Variants in BRAF observed in about 807,000 individuals in gnomAD.
The protein encoded by BRAF is B-Raf proto-oncogene, serine/threonine kinase.
Under a neutral mutation model 104.6 loss-of-function variants are expected in BRAF, and 16 were observed. That is an observed-to-expected ratio of 0.15 (90% CI 0.10 to 0.23). The LOEUF (loss-of-function observed/expected upper bound fraction) is 0.23. BRAF is among the 10% of genes least tolerant of loss of function. BRAF has a pLI of 1.00. For synonymous variants in BRAF, 310 were observed against 341.6 expected, an observed-to-expected ratio of 0.91 and a Z score of 1.02; for missense variants, 541 against 937.3, an observed-to-expected ratio of 0.58 and a Z score of 5.52.
intron 1 of BRAF, among the ~76,000 whole-genome samples, chr7:140,905,016 G>A (rs1440693941): frequency 6.6e-6 from 1 of 151,966 alleles, no homozygotes; most frequent in South Asian, 2.1e-4. Flanking sequence ...TGCTTTTTTG[G>A]TTTCAATCCT....
rs1562985327 is a variant in BRAF at position 140,834,645 on chromosome 7, G to A, written c.468C>T (p.Ile156=). 1.2e-6 allele frequency: 2 copies of A among 1,614,122 alleles called. No homozygotes were observed. The highest frequency in any genetic ancestry group is 1.3e-5 in the African/African-American group (1 of 75,038). Residue 156 remains isoleucine (I), a synonymous_variant, in exon 3 of 20, where the codon ATC becomes ATT. Transcript: ENST00000644969. ...GTTTGTTGGGCAGGAAGACTCTAACGATAGGTTTTTGTGGTGACTTGGGGT... is the reference window on the plus strand; with the variant it reads ...GTTTGTTGGGCAGGAAGACTCTAACAATAGGTTTTTGTGGTGACTTGGGGT... ...RSNPKSPQKP[I]VRVFLPNKQR... is the part of the protein sequence containing the mutation.
chr7:140,751,374 G>A (rs1431061392), intron 16 of BRAF, among the ~76,000 whole-genome samples: 1 of 152,024 alleles, frequency 6.6e-6, no homozygotes, highest in African/African-American at 2.4e-5. Context: ...CTTAAAATCT[G>A]TTTTCCCTCA....
chr7:140,781,777 C>T (rs2129024189), intron 11 of BRAF, 84 bp from the exon 11 acceptor site: 1 of 1,074,710 alleles, frequency 9.3e-7, no homozygotes, highest in Non-Finnish European at 1.4e-6. Flanking sequence ...TTACCTTATG[C>T]CTGAGAGGGA....
At chr7:140,903,035 C>T (rs1815845134) in intron 1 of BRAF, among the ~76,000 whole-genome samples, 1 of 151,748 alleles carries the variant, frequency 6.6e-6, no homozygotes, top group South Asian at 2.1e-4. Flanking sequence ...AGCGATTCTC[C>T]TGCCTCAGCC....
chr7:140,878,627 T>C (rs1445841048), intron 1 of BRAF, among the ~76,000 whole-genome samples: 1 of 152,180 alleles, frequency 6.6e-6, no homozygotes, highest in Non-Finnish European at 1.5e-5. Flanking sequence ...GGGAAGTTGG[T>C]TAATGGATAC....
downstream of BRAF, among the ~76,000 whole-genome samples, chr7:140,718,761 T>C (rs541668879): frequency 6.6e-6 from 1 of 152,322 alleles, no homozygotes; most frequent in African/African-American, 2.4e-5. Flanking sequence ...CTGAAGATAC[T>C]CTAGGAGTTT....
rs542736950 is a variant in BRAF at position 140,850,365 on chromosome 7, T to C, written c.139-153A>G. 2.6e-5 allele frequency among the ~76,000 whole-genome samples: 4 copies of C among 152,332 alleles called. No homozygotes were observed. The East Asian group carries it at 7.7e-4, about 29-fold the overall frequency. ...GTACAGTGGTTTTTCTCTTTTATTA[T>C]GAAACATCTTTAAATTTTTTTCTAC... On this transcript the variant is annotated intron_variant, in intron 1 of 19. Transcript: ENST00000644969.
intron 2 of BRAF, among the ~76,000 whole-genome samples, chr7:140,847,581 A>AG (rs1337208754): frequency 2.8e-4 from 43 of 151,890 alleles, no homozygotes; most frequent in Non-Finnish European, 6.0e-4. Flanking sequence ...ATTCCATCTC[A>AG]GGAGGAAAAA....
At chr7:140,728,670 G>A (rs989711212) in intron 19 of BRAF, among the ~76,000 whole-genome samples, 3 of 151,952 alleles carry the variant, frequency 2.0e-5, no homozygotes, top group African/African-American at 7.3e-5. Context: ...TACTATTGTT[G>A]CTTACAGTTT....
intron 1 of BRAF, among the ~76,000 whole-genome samples, chr7:140,914,346 T>G (rs930498708): frequency 6.6e-6 from 1 of 152,146 alleles, no homozygotes; most frequent in Non-Finnish European, 1.5e-5. Context: ...ATGAAACTTA[T>G]TTGAGATTGT....
At chr7:140,804,406 T>TG (rs200619211) in intron 5 of BRAF, among the ~76,000 whole-genome samples, 1,729 of 147,176 alleles carry the variant, frequency 0.012, 20 homozygotes, top group African/African-American at 0.029. Flanking sequence ...GTTTTTTTTT[T>TG]GGGGGGGGTG....
At chr7:140,784,214 C>T (rs1408746285) in intron 10 of BRAF, among the ~76,000 whole-genome samples, 2 of 152,130 alleles carry the variant, frequency 1.3e-5, no homozygotes. Flanking sequence ...ATACCAATAA[C>T]CACATTTAAA....
intron 1 of BRAF, among the ~76,000 whole-genome samples, chr7:140,858,507 A>C (rs984215270): frequency 2.0e-5 from 3 of 152,218 alleles, no homozygotes; most frequent in Non-Finnish European, 4.4e-5. Flanking sequence ...ATTCTTTAAT[A>C]AATCATTTCA....
At chr7:140,810,522 A>T (rs2129049189) in intron 3 of BRAF, among the ~76,000 whole-genome samples, 1 of 152,286 alleles carries the variant, frequency 6.6e-6, no homozygotes, top group East Asian at 1.9e-4. Flanking sequence ...GCAAGCCAAA[A>T]TCGTACCACT....
chr7:140,755,484 A>G (rs1296330434), intron 14 of BRAF, among the ~76,000 whole-genome samples: 1 of 152,172 alleles, frequency 6.6e-6, no homozygotes, highest in Admixed American at 6.6e-5. Context: ...AATATCAAAA[A>G]TTTTAAAGTA....
chr7:140,843,579 ATC>A (rs1200663956), intron 2 of BRAF, among the ~76,000 whole-genome samples: 1 of 152,168 alleles, frequency 6.6e-6, no homozygotes, highest in Non-Finnish European at 1.5e-5. Flanking sequence ...AAAATTTCCC[ATC>A]TCTCTGCTTT....
chr7:140,908,380 C>T (rs532998455), intron 1 of BRAF, among the ~76,000 whole-genome samples: 44 of 152,090 alleles, frequency 2.9e-4, no homozygotes, highest in African/African-American at 1.1e-3. Context: ...TTACTTGTGA[C>T]AATGTACTGT....
intron 3 of BRAF, among the ~76,000 whole-genome samples, chr7:140,813,437 T>G (rs1804495044): frequency 6.6e-6 from 1 of 152,164 alleles, no homozygotes; most frequent in Admixed American, 6.5e-5. Context: ...TTAAGCAAGA[T>G]CCATGAAGCG....
At chr7:140,875,513 T>C (rs1812132812) in intron 1 of BRAF, among the ~76,000 whole-genome samples, 2 of 152,148 alleles carry the variant, frequency 1.3e-5, no homozygotes, top group Admixed American at 6.5e-5. Context: ...GAAGCTGGGA[T>C]TATAGGTGCC....
Sources: allele counts gnomAD v4.1 joint callset (sites outside exome capture counted in the v4.1 genomes callset), GRCh38; gene constraint gnomAD v4.1.1; transcripts MANE v1.5; gene names NCBI Gene and HGNC (gene_info 2026-07-23, HGNC 2026-07-21).